The following PARD3B variants were observed in gnomAD, a reference collection of about 807,000 sequenced individuals.
PARD3B encodes the protein partitioning defective 3 homolog B.
Under a neutral mutation model 130.2 loss-of-function variants are expected in PARD3B, and 103 were observed. That is an observed-to-expected ratio of 0.79 (90% CI 0.67 to 0.93). PARD3B has a LOEUF of 0.93. Among genes scored for constraint, PARD3B ranks in the 40% least tolerant of loss-of-function variants. The pLI is 0.00. For synonymous variants in PARD3B, 583 were observed against 553.2 expected, an observed-to-expected ratio of 1.05 and a Z score of -0.76; for missense variants, 1,609 against 1,499.2, an observed-to-expected ratio of 1.07 and a Z score of -1.21.
chr2:204,942,423 C>A (rs1217341695), intron 2 of PARD3B, among the ~76,000 whole-genome samples: 1 of 152,018 alleles, frequency 6.6e-6, no homozygotes, highest in South Asian at 2.1e-4. Context: ...TAAACCTTAC[C>A]AGATTCTGTG....
In PARD3B at chr2:205,116,087, G is replaced by A. The variant is rs1704004260; in HGVS notation, c.680+2510G>A. Among the ~76,000 whole-genome samples, 1 of 152,036 alleles carries A rather than the reference G, an allele frequency of 6.6e-6. No homozygotes were observed. Among genetic ancestry groups the A allele is most frequent in the African/African-American group, 2.4e-5 (1 of 41,396 alleles). On this transcript the variant is annotated intron_variant, in intron 6 of 22. Coordinates refer to ENST00000406610, the MANE Select transcript of PARD3B (RefSeq NM_001302769.2). This position sits in a 1 kb window ranked among gnomAD's most constrained non-coding sequence, Gnocchi z 4.5. The stretch of plus-strand genomic sequence containing the variant: ...TTAGATACCATCGCAGAGGGGTGCT[G>A]AATGCTGCTTGTATTGAGGGCCATT...
intron 1 of PARD3B, among the ~76,000 whole-genome samples, chr2:204,670,385 C>A (rs1440743338): frequency 6.6e-6 from 1 of 152,064 alleles, no homozygotes; most frequent in East Asian, 1.9e-4. Flanking sequence ...TGCTAAAAGG[C>A]CCATGACAAA....
intron 16 of PARD3B, among the ~76,000 whole-genome samples, chr2:205,262,727 G>C (rs2040361949): frequency 6.6e-6 from 1 of 152,048 alleles, no homozygotes; most frequent in Non-Finnish European, 1.5e-5. Context: ...CTATGTAGGG[G>C]AATACATGAC....
chr2:205,402,061 G>C (rs1360561910), intron 19 of PARD3B, among the ~76,000 whole-genome samples: 2 of 152,156 alleles, frequency 1.3e-5, no homozygotes, highest in East Asian at 3.9e-4. Flanking sequence ...TTCTAGCACA[G>C]AGGAGTCTAA....
chr2:205,475,402 C>T (rs1341157099), intron 20 of PARD3B, among the ~76,000 whole-genome samples: 1 of 152,156 alleles, frequency 6.6e-6, no homozygotes, highest in African/African-American at 2.4e-5. Context: ...TTGCTATTGT[C>T]AGGCTTGTTT....
At chr2:205,600,850 C>A (rs940426055) in intron 22 of PARD3B, among the ~76,000 whole-genome samples, 5 of 152,346 alleles carry the variant, frequency 3.3e-5, no homozygotes, top group African/African-American at 1.2e-4. Context: ...CTTTTTATGG[C>A]TGCATAGTAT....
intron 20 of PARD3B, among the ~76,000 whole-genome samples, chr2:205,484,575 T>C (rs1430240565): frequency 1.3e-5 from 2 of 152,148 alleles, no homozygotes; most frequent in African/African-American, 4.8e-5. Flanking sequence ...TTTTTCATGC[T>C]CTTCCAAACC....
intron 2 of PARD3B, among the ~76,000 whole-genome samples, chr2:204,950,478 A>G (rs746032232): frequency 7.2e-5 from 11 of 152,172 alleles, no homozygotes; most frequent in Non-Finnish European, 1.0e-4. Flanking sequence ...AAAGAGTACC[A>G]GTAGATGCGA....
At position 205,589,278 on chromosome 2, in the gene PARD3B, G is replaced by A. The variant is rs919811028; in HGVS notation, c.3261-26178G>A. Reference sequence around the variant, plus strand: ...TGCCCTGCAGCCTGGGTGGTGAAGCGAGACCCTGTCTCAATCAATCAATCA... The same window carrying A: ...TGCCCTGCAGCCTGGGTGGTGAAGCAAGACCCTGTCTCAATCAATCAATCA... On this transcript the variant is annotated intron_variant, in intron 22 of 22. Transcript: ENST00000406610. This position sits in a 1 kb window ranked among gnomAD's most constrained non-coding sequence, Gnocchi z 4.1. 2.0e-5 allele frequency among the ~76,000 whole-genome samples: 3 copies of A among 152,272 alleles called. No individual in the cohort carries two copies. The highest frequency in any genetic ancestry group is 1.9e-4 in the East Asian group (1 of 5,180).
intron 10 of PARD3B, among the ~76,000 whole-genome samples, chr2:205,151,012 A>G (rs1204607921): frequency 6.6e-6 from 1 of 152,250 alleles, no homozygotes; most frequent in Non-Finnish European, 1.5e-5. Flanking sequence ...ACACACACAC[A>G]TACAAATTCG....
At chr2:205,136,554 TAC>T (rs2032500466) in intron 10 of PARD3B, among the ~76,000 whole-genome samples, 1 of 152,198 alleles carries the variant, frequency 6.6e-6, no homozygotes, top group South Asian at 2.1e-4. Flanking sequence ...GCAGGTAAGT[TAC>T]AGACTTTCCA....
At chr2:205,232,442 G>T (rs1559567656) in intron 15 of PARD3B, among the ~76,000 whole-genome samples, 1 of 151,848 alleles carries the variant, frequency 6.6e-6, no homozygotes, top group Non-Finnish European at 1.5e-5. Flanking sequence ...CTGTAAAAAA[G>T]TTTTAAATAC....
chr2:205,514,396 C>T (rs2050707342), intron 21 of PARD3B, among the ~76,000 whole-genome samples: 1 of 152,086 alleles, frequency 6.6e-6, no homozygotes, highest in African/African-American at 2.4e-5. Flanking sequence ...GGCTGAAAAA[C>T]TCTGGTTTAG....
intron 4 of PARD3B, among the ~76,000 whole-genome samples, chr2:205,064,012 A>T (rs772340069): frequency 6.6e-6 from 1 of 152,114 alleles, no homozygotes; most frequent in African/African-American, 2.4e-5. Context: ...TGAGGTAAAA[A>T]CTGTTCTGCT....
intron 2 of PARD3B, among the ~76,000 whole-genome samples, chr2:204,800,607 T>A (rs771414833): frequency 6.6e-6 from 1 of 152,068 alleles, no homozygotes; most frequent in Non-Finnish European, 1.5e-5. Context: ...AGGTCAAGAA[T>A]AGAGCCCTTT....
intron 18 of PARD3B, among the ~76,000 whole-genome samples, chr2:205,398,455 G>A (rs557276691): frequency 3.9e-5 from 6 of 152,190 alleles, no homozygotes; most frequent in South Asian, 2.1e-4. Flanking sequence ...AAACTAGACT[G>A]GGGGATGATA....
chr2:205,222,236 T>C (rs2038282213), intron 15 of PARD3B, among the ~76,000 whole-genome samples: 1 of 151,944 alleles, frequency 6.6e-6, no homozygotes, highest in Admixed American at 6.6e-5. Flanking sequence ...GAAATTCTAC[T>C]TTAGTAGATA....
At chr2:204,658,147 A>G (rs2035696194) in intron 1 of PARD3B, among the ~76,000 whole-genome samples, 1 of 152,156 alleles carries the variant, frequency 6.6e-6, no homozygotes, top group African/African-American at 2.4e-5. Context: ...CATTTGGGAT[A>G]TGCTAGAATT....
At chr2:205,311,533 C>T (rs767217705) in intron 18 of PARD3B, among the ~76,000 whole-genome samples, 7 of 152,134 alleles carry the variant, frequency 4.6e-5, no homozygotes, top group Non-Finnish European at 8.8e-5. Context: ...CAGCCAAGAC[C>T]GTCAAATATT....
Sources: gnomAD v4.1 joint callset for allele counts (sites outside exome capture counted in the v4.1 genomes callset) on GRCh38, gnomAD v4.1.1 for gene constraint, Gnocchi (gnomAD v3.1) non-coding constraint, MANE v1.5 for transcripts, NCBI Gene and HGNC (gene_info 2026-07-23, HGNC 2026-07-21) for gene names.